RGS9: variants seen among roughly 807,000 people sequenced by gnomAD.
RGS9 encodes regulator of G protein signaling 9.
In RGS9, 78 loss-of-function variants were observed where a neutral mutation model predicts 102.0. That is an observed-to-expected ratio of 0.76 (90% CI 0.64 to 0.92). The LOEUF is 0.92. Among genes scored for constraint, RGS9 ranks in the 40% least tolerant of loss-of-function variants. The pLI is 0.00. For missense variants in RGS9, 833 were observed against 866.1 expected (o/e 0.96, Z 0.48); for synonymous variants, 353 against 318.6 (o/e 1.11, Z -1.15).
At chr17:65,217,088 GCCT>G (rs1172363514) in intron 17 of RGS9, among the ~76,000 whole-genome samples, 2 of 152,134 alleles carry the variant, frequency 1.3e-5, no homozygotes, top group African/African-American at 2.4e-5. Flanking sequence ...CTGTTAGGAC[GCCT>G]CCCTGAGAAG....
chr17:65,227,159 A>T, intron 18 of RGS9, 116 bp from the exon 19 acceptor site: 6 of 1,420,938 alleles, frequency 4.2e-6, no homozygotes, highest in Non-Finnish European at 5.0e-6. Flanking sequence ...CCCCCACCAC[A>T]GTCTTTGGCA....
At chr17:65,152,631 G>T (rs1567861410) in intron 1 of RGS9, among the ~76,000 whole-genome samples, 1 of 152,160 alleles carries the variant, frequency 6.6e-6, no homozygotes, top group Admixed American at 6.5e-5. Flanking sequence ...CTGGGCTCAA[G>T]TGATCCTCCT....
intron 7 of RGS9, among the ~76,000 whole-genome samples, chr17:65,167,240 T>C (rs578049734): frequency 3.3e-5 from 5 of 152,292 alleles, no homozygotes; most frequent in African/African-American, 1.2e-4. Flanking sequence ...TTGCTCTTGT[T>C]GCCCAGGCTG....
intron 4 of RGS9, 34 bp downstream of exon 4, chr17:65,160,373 G>A (rs76887316): frequency 3.5e-4 from 554 of 1,576,352 alleles, no homozygotes; most frequent in Non-Finnish European, 4.7e-4. Context: ...CTGTTCATAT[G>A]GGGTTGATCT....
At chr17:65,193,103 A>G (rs1912438058) in intron 11 of RGS9, among the ~76,000 whole-genome samples, 2 of 140,862 alleles carry the variant, frequency 1.4e-5, no homozygotes, top group Admixed American at 6.9e-5. Flanking sequence ...TCTACCAAAA[A>G]TACAAAAAAA....
At chr17:65,177,916 A>G (rs2144037035) in intron 9 of RGS9, 113 bp downstream of exon 9, 1 of 859,184 alleles carries the variant, frequency 1.2e-6, no homozygotes, top group Non-Finnish European at 2.0e-6. Flanking sequence ...CTTTGAGACT[A>G]TCAAAGAGAG....
In RGS9 at chr17:65,227,406, A is replaced by AT; in HGVS notation, c.2024_2025insT (p.Ter675TyrfsTer7). 2 of 1,613,102 alleles carry AT rather than the reference A, an allele frequency of 1.2e-6. No homozygotes were observed. Among genetic ancestry groups the AT allele is most frequent in the Non-Finnish European group, 1.7e-6 (2 of 1,179,460 alleles). On this transcript the variant is annotated frameshift_variant and stop_lost, in exon 19 of 19. Transcript: ENST00000262406. LOFTEE classifies it high-confidence loss of function. ...GTCATCTGCCCCTGGGAGAGCCTGT[A>AT]AGGAAAGAGGCAGGCTGAGCTGGGG...
At chr17:65,186,332 C>G (rs1912120533) in intron 9 of RGS9, among the ~76,000 whole-genome samples, 3 of 151,574 alleles carry the variant, frequency 2.0e-5, no homozygotes, top group African/African-American at 7.3e-5. Context: ...CTCCACCCCA[C>G]CCCCCACCAA....
At chr17:65,219,393 A>T (rs561313425) in intron 17 of RGS9, among the ~76,000 whole-genome samples, 1 of 152,302 alleles carries the variant, frequency 6.6e-6, no homozygotes, top group African/African-American at 2.4e-5. Flanking sequence ...TGTTTAAACT[A>T]TGTGTCCCAC....
chr17:65,140,940 T>A (rs1910133707), intron 1 of RGS9, among the ~76,000 whole-genome samples: 1 of 150,842 alleles, frequency 6.6e-6, no homozygotes, highest in Non-Finnish European at 1.5e-5. Flanking sequence ...GAATGCCTTC[T>A]CCCTGAACTA....
Position 65,184,800 on chromosome 17 carries a change from C to T in RGS9, c.655-4486C>T, listed in dbSNP as rs187347238. 1.8e-4 allele frequency among the ~76,000 whole-genome samples: 24 copies of T among 131,554 alleles called. No individual in the cohort carries two copies. In the East Asian group the frequency reaches 4.8e-3, roughly 26 times the overall value. 86.3% of individuals were successfully genotyped at this position (131,554 alleles called of 152,430 possible). On this transcript the variant is annotated intron_variant, in intron 9 of 18. Transcript: ENST00000262406. ...TGTTTCTTTCTCTTTCTCTTTCTTT[C>T]TTTCTCTTTCTTTCCTCTCTCTCTC...
rs542861785 is a variant in RGS9, at chr17:65,194,521, C to T, written c.860+865C>T. 8.5e-5 allele frequency among the ~76,000 whole-genome samples: 13 copies of T among 152,266 alleles called. No homozygotes were observed. In the South Asian group the frequency reaches 1.2e-3, roughly 15 times the overall value. The stretch of plus-strand genomic sequence containing the variant: ...CTTTGCATGTTTGATATCTAATTAG[C>T]GTAAACTTAAGTTCTGGGCGGGCAG... On this transcript the variant is annotated intron_variant, in intron 12 of 18. Transcript: ENST00000262406.
At chr17:65,220,832 C>G (rs1913682149) in intron 17 of RGS9, among the ~76,000 whole-genome samples, 2 of 152,198 alleles carry the variant, frequency 1.3e-5, no homozygotes, top group South Asian at 4.1e-4. Context: ...ATTTCATGCT[C>G]CTTTACTCCC....
Position 65,208,009 on chromosome 17 carries a change from C to T in RGS9, c.1289+2C>T. 6.2e-7 allele frequency: 1 copy of T among 1,603,884 alleles called. No individual in the cohort carries two copies. On this transcript the variant is annotated splice_donor_variant, in intron 16 of 18. Coordinates refer to ENST00000262406, the MANE Select transcript of RGS9 (RefSeq NM_003835.4). LOFTEE classifies it low-confidence loss of function (GC_TO_GT_DONOR). The stretch of plus-strand genomic sequence containing the variant: ...ACCTCAGGAAACCACCAAGAAAAGG[C>T]AAGTGGAATTATCTGTAATTGCTGG...
chr17:65,216,757 G>A (rs1028253032), intron 17 of RGS9, among the ~76,000 whole-genome samples: 4 of 152,154 alleles, frequency 2.6e-5, no homozygotes, highest in African/African-American at 7.2e-5. Flanking sequence ...TAGGCATAAC[G>A]GATGCAGAAC....
rs191196853 is a variant in RGS9 at position 65,182,120 on chromosome 17, C to T, written c.654+4317C>T. ...TGCTCAGAACCTCAGTCTACACTGG[C>T]GAGTATACAGATCTTTTGGTAAAAG... On this transcript the variant is annotated intron_variant, in intron 9 of 18. Coordinates refer to ENST00000262406, the MANE Select transcript of RGS9 (RefSeq NM_003835.4). 8.5e-5 allele frequency among the ~76,000 whole-genome samples: 13 copies of T among 152,272 alleles called. No homozygotes were observed. In the East Asian group the frequency reaches 1.2e-3, roughly 14 times the overall value.
chr17:65,187,498 C>G (rs1248702905), intron 9 of RGS9, among the ~76,000 whole-genome samples: 1 of 152,160 alleles, frequency 6.6e-6, no homozygotes, highest in East Asian at 1.9e-4. Flanking sequence ...CAAAATGAAA[C>G]CCAGCCTGAG....
intron 17 of RGS9, among the ~76,000 whole-genome samples, chr17:65,220,298 T>A (rs1005367466): frequency 1.3e-4 from 20 of 152,214 alleles, no homozygotes; most frequent in African/African-American, 4.8e-4. Context: ...GTCCTCCAGC[T>A]CTCCAGAGAA....
chr17:65,166,902 C>T (rs535222427), intron 7 of RGS9, among the ~76,000 whole-genome samples: 12 of 152,202 alleles, frequency 7.9e-5, no homozygotes, highest in South Asian at 6.2e-4. Context: ...AATGGAATGG[C>T]GCTGTTCACC....
Sources: allele counts gnomAD v4.1 joint callset (sites outside exome capture counted in the v4.1 genomes callset), GRCh38; gene constraint gnomAD v4.1.1; transcripts MANE v1.5; gene names NCBI Gene and HGNC (gene_info 2026-07-23, HGNC 2026-07-21).